Variants in SACS observed in about 807,000 individuals in gnomAD.
SACS encodes the protein sacsin.
Under a neutral mutation model 348.0 loss-of-function variants are expected in SACS, and 197 were observed. The observed-to-expected ratio is 0.57, with a 90% CI of 0.50 to 0.64. The LOEUF (loss-of-function observed/expected upper bound fraction) is 0.64, where lower values mean the gene tolerates loss of function less well. Ranked by LOEUF, SACS falls within the 30% of genes least tolerant of loss-of-function variation. The probability of loss-of-function intolerance (pLI) is 0.00; values close to 1 mark genes in which losing one functional copy is unlikely to be tolerated. For synonymous variants in SACS, 1,985 were observed against 1,910.6 expected, an observed-to-expected ratio of 1.04 and a Z score of -1.02; for missense variants, 4,999 against 5,360.8, an observed-to-expected ratio of 0.93 and a Z score of 2.11.
intron 2 of SACS, among the ~76,000 whole-genome samples, chr13:23,410,495 C>T (rs1173762254): frequency 6.6e-6 from 1 of 152,074 alleles, no homozygotes; most frequent in African/African-American, 2.4e-5. Context: ...AATATCAAGA[C>T]GTTTTATTTG....
At chr13:23,342,584 C>G (rs878873023) in intron 9 of SACS, among the ~76,000 whole-genome samples, 1 of 152,190 alleles carries the variant, frequency 6.6e-6, no homozygotes, top group South Asian at 2.1e-4. Context: ...ATGAGCATTT[C>G]TTTTGAGTGT....
intron 6 of SACS, among the ~76,000 whole-genome samples, chr13:23,359,330 C>A (rs1338424356): frequency 1.3e-5 from 2 of 152,036 alleles, no homozygotes; most frequent in Non-Finnish European, 2.9e-5. Context: ...TAAATATACA[C>A]AATTTATTTT....
At position 23,411,363 on chromosome 13, in the gene SACS, G is replaced by GAAAAAAAA; in HGVS notation, c.-125_-124insTTTTTTTT. 1 of 878,388 alleles carries GAAAAAAAA rather than the reference G, an allele frequency of 1.1e-6. No individual in the cohort carries two copies. The highest frequency in any genetic ancestry group is 2.0e-5 in the Admixed American group (1 of 49,372). The allele number at this position is 878,388 out of a possible 1,614,324, so 54.4% of individuals were successfully genotyped here. The stretch of plus-strand genomic sequence containing the variant: ...CAAGTTCAGCTCTTCCTGCCAGGTG[G>GAAAAAAAA]AAAAAAAGCCTGTTTTTCCCTTCAG... On this transcript the variant is annotated 5_prime_UTR_variant, in exon 2 of 10. The change abolishes the stop of an existing upstream ORF in the 5' untranslated region. Transcript: ENST00000382292.
At chr13:23,407,640 C>CA (rs1168597702) in intron 2 of SACS, among the ~76,000 whole-genome samples, 1 of 152,214 alleles carries the variant, frequency 6.6e-6, no homozygotes, top group African/African-American at 2.4e-5. Context: ...TTAGATGGTT[C>CA]AGACAGAAGA....
At chr13:23,351,822 A>T (rs987512083) in intron 9 of SACS, among the ~76,000 whole-genome samples, 1 of 152,222 alleles carries the variant, frequency 6.6e-6, no homozygotes, top group Non-Finnish European at 1.5e-5. Context: ...CACTAGATGA[A>T]CATCTAGTGT....
At chr13:23,381,357 A>G (rs1329097153) in intron 2 of SACS, among the ~76,000 whole-genome samples, 44 of 25,826 alleles carry the variant, frequency 1.7e-3, no homozygotes, top group Admixed American at 3.2e-3. Context: ...AGCACGAAGC[A>G]CACACACACA....
Position 23,331,399 on chromosome 13 carries a change from T to C in SACS, c.12477A>G (p.Pro4159=). The C allele has an allele frequency of 6.2e-7, 1 of 1,614,032 alleles. No individual in the cohort carries two copies. The highest frequency in any genetic ancestry group is 8.5e-7 in the Non-Finnish European group (1 of 1,179,952). The change falls in exon 10 of 10, where the codon CCA becomes CCG. Residue 4159 remains proline, a synonymous_variant. Coordinates refer to ENST00000382292, the MANE Select transcript of SACS (RefSeq NM_014363.6). ...GAGTGTAATGAATTTCAGCAGGAAT[T>C]GGTGTGCCAGGCATTGGAAGTTCCA... The part of the protein sequence containing the change: ...SKLELPMPGT[P]IPAEIHYTLL...
Position 23,354,760 on chromosome 13 carries a change from A to G in SACS, c.1852T>C (p.Ser618Pro), listed in dbSNP as rs1870223438. The G allele has an allele frequency of 1.2e-6, 2 of 1,613,924 alleles. No homozygotes were observed. Among genetic ancestry groups the G allele is most frequent in the Non-Finnish European group, 1.7e-6 (2 of 1,179,960 alleles). The change falls in exon 8 of 10, where the codon TCT (serine) becomes CCT (proline). Residue 618 changes from serine to proline, a missense_variant. Ser to Pro is a moderately conservative substitution (Grantham distance 74, BLOSUM62 -1). Transcript: ENST00000382292. ...ACCTTCCTCACAGGTGTTGTGCCAGAGGCAGCTGTGAGCTGAACAGCAGCA... is the reference window on the plus strand; with the variant it reads ...ACCTTCCTCACAGGTGTTGTGCCAGGGGCAGCTGTGAGCTGAACAGCAGCA... ...VDAAVQLTAA[S>P]GTTPVRKVTP...
rs199890147 is a variant in SACS at position 23,355,580 on chromosome 13, C to T, written c.1032G>A (p.Glu344=). Residue 344 remains glutamate (E), a synonymous_variant, in exon 8 of 10, where the codon GAG becomes GAA. Coordinates refer to ENST00000382292, the MANE Select transcript of SACS (RefSeq NM_014363.6). ...CCAGAATCTTTATAGAATTCGGCCG[C>T]TCATGTTTCAGTGCCTTACTCTCAC... is the stretch of plus-strand genomic sequence containing the variant. The part of the protein sequence containing the change: ...TSSESKALKH[E]RPNSIKILGT... The T allele has an allele frequency of 5.0e-6, 8 of 1,614,132 alleles. No individual in the cohort carries two copies. In the South Asian group the frequency reaches 6.6e-5, roughly 13 times the overall value.
chr13:23,343,609 G>A (rs1030043134), intron 9 of SACS, among the ~76,000 whole-genome samples: 2 of 152,128 alleles, frequency 1.3e-5, no homozygotes, highest in South Asian at 2.1e-4. Flanking sequence ...GCTTGAACCC[G>A]GGAGGCGGAG....
rs879163112 is a variant in SACS, at chr13:23,365,033, C to T, written c.457+133G>A. The T allele has an allele frequency of 1.6e-5, 10 of 609,136 alleles. No homozygotes were observed. The South Asian group carries it at 2.2e-4, about 13-fold the overall frequency. 37.7% of individuals were successfully genotyped at this position (609,136 alleles called of 1,614,324 possible). On this transcript the variant is annotated intron_variant, in intron 6 of 9. Transcript: ENST00000382292. ...CCTTCCCACCAAAAGCAGAGAAAAA[C>T]ATCTGAAGAAGTGGACATAAACATG...
chr13:23,422,322 T>A (rs1873985098), intron 1 of SACS, among the ~76,000 whole-genome samples: 6 of 152,212 alleles, frequency 3.9e-5, no homozygotes, highest in African/African-American at 1.4e-4. Context: ...TCACTGAATG[T>A]AACCTGTGTT....
At chr13:23,341,865 C>A (rs1210250524) in intron 9 of SACS, among the ~76,000 whole-genome samples, 175 bp from the exon 10 acceptor site, 1 of 140,466 alleles carries the variant, frequency 7.1e-6, no homozygotes, top group Non-Finnish European at 1.5e-5. Context: ...CAGCTCACTG[C>A]AAGCTCCGCC....
chr13:23,357,870 C>T (rs1306341425), intron 7 of SACS, among the ~76,000 whole-genome samples: 3 of 152,034 alleles, frequency 2.0e-5, no homozygotes, highest in African/African-American at 7.3e-5. Context: ...TAAGAGATAC[C>T]AGAACCACCT....
Position 23,339,167 on chromosome 13 carries a change from G to A in SACS, c.4709C>T (p.Pro1570Leu). The A allele has an allele frequency of 6.2e-7, 1 of 1,612,526 alleles. No individual in the cohort carries two copies. The highest frequency in any genetic ancestry group is 2.2e-5 in the East Asian group (1 of 44,834). The stretch of plus-strand genomic sequence containing the variant: ...CATGAATTCCCGACTCATAATGATG[G>A]GAATGTCAGTGATATGGTACACAGA... ...FNSVYHITDI[P>L]IIMSREFMIM... Residue 1570 changes from proline to leucine, a missense_variant, in exon 10 of 10, where the codon CCC becomes CTC. This residue lies in a region of SACS where 3,156 missense variants were observed against 3,380.1 expected (regional missense o/e 0.93). Transcript: ENST00000382292.
intron 2 of SACS, among the ~76,000 whole-genome samples, chr13:23,384,150 A>G (rs934222748): frequency 6.6e-6 from 1 of 152,196 alleles, no homozygotes; most frequent in Non-Finnish European, 1.5e-5. Context: ...GACTCAAATA[A>G]CATTACTGAT....
chr13:23,330,311 T>C lies in SACS; in HGVS notation c.13565A>G (p.Asp4522Gly). The part of the protein sequence containing the change: ...YSQQLEGLTN[D>G]VHTLEAYGVD... ...ACCATAAGCTTCCAATGTGTGAACA[T>C]CATTTGTCAGTCCTTCAAGTTGCTG... The change falls in exon 10 of 10, where the codon GAT becomes GGT. Residue 4522 changes from aspartate (D) to glycine (G), a missense_variant. By Grantham distance (94) the Asp-to-Gly change is moderately conservative. Transcript: ENST00000382292. 6.2e-7 allele frequency: 1 copy of C among 1,614,202 alleles called. No homozygotes were observed. Among genetic ancestry groups the C allele is most frequent in the Non-Finnish European group, 8.5e-7 (1 of 1,180,018 alleles).
At position 23,337,639 on chromosome 13, in the gene SACS, A is replaced by G. The variant is rs1185366909; in HGVS notation, c.6237T>C (p.Phe2079=). The G allele has an allele frequency of 1.2e-6, 2 of 1,613,866 alleles. No individual in the cohort carries two copies. The highest frequency in any genetic ancestry group is 1.7e-6 in the Non-Finnish European group (2 of 1,179,942). The change falls in exon 10 of 10, where the codon TTT becomes TTC. Residue 2079 remains phenylalanine (F), a synonymous_variant. Transcript: ENST00000382292. ...ACTCATCAACTTTTTCATTTAGAACAAAGATCATTAAAGGATCTCTAAGTT... is the reference window on the plus strand; with the variant it reads ...ACTCATCAACTTTTTCATTTAGAACGAAGATCATTAAAGGATCTCTAAGTT... The part of the protein sequence containing the change: ...EAELRDPLMI[F]VLNEKVDEFS...
chr13:23,394,383 C>T (rs9510718), intron 2 of SACS, among the ~76,000 whole-genome samples: 32,935 of 152,146 alleles, frequency 0.22, 3,894 homozygotes, highest in African/African-American at 0.31. Context: ...TTTCCATGCA[C>T]TGAACCCTCT....
Sources: allele counts gnomAD v4.1 joint callset (sites outside exome capture counted in the v4.1 genomes callset), GRCh38; gene constraint gnomAD v4.1.1; regional missense constraint gnomAD v4.1.1; transcripts MANE v1.5; gene names NCBI Gene and HGNC (gene_info 2026-07-23, HGNC 2026-07-21).